The following PSMC2 variants were observed in gnomAD, a reference collection of about 807,000 sequenced individuals.
The protein encoded by PSMC2 is proteasome 26S subunit, ATPase 2.
A neutral mutation model predicts 53.3 loss-of-function variants in PSMC2; 7 were observed. That is an observed-to-expected ratio of 0.13 (90% CI 0.07 to 0.25). PSMC2 has a LOEUF of 0.25. Among genes scored for constraint, PSMC2 ranks in the 10% least tolerant of loss-of-function variants. PSMC2 has a pLI of 1.00. For synonymous variants in PSMC2, 169 were observed against 183.9 expected (o/e 0.92, Z 0.66); for missense variants, 241 against 544.0 (o/e 0.44, Z 5.54).
intron 4 of PSMC2, among the ~76,000 whole-genome samples, chr7:103,361,240 T>C (rs1820375894): frequency 6.6e-6 from 1 of 151,802 alleles, no homozygotes; most frequent in African/African-American, 2.4e-5. Context: ...TCCCAGCACT[T>C]TGGGAAGCTG....
chr7:103,350,604 T>C (rs1458886071), intron 1 of PSMC2, among the ~76,000 whole-genome samples: 3 of 152,092 alleles, frequency 2.0e-5, no homozygotes, highest in African/African-American at 7.2e-5. Context: ...TTCTCCTGCC[T>C]CAGCCTCCCT....
Position 103,360,358 on chromosome 7 carries a change from C to T in PSMC2, c.291-1599C>T, listed in dbSNP as rs533262751. On this transcript the variant is annotated intron_variant, in intron 4 of 11. Transcript: ENST00000292644. ...TTTTCCTTTCAGGTTTTTTGGTCAG[C>T]CTCTTTTTTTTTGGTAGAGAATGGG... Among the ~76,000 whole-genome samples the T allele has an allele frequency of 4.6e-5, 7 of 152,220 alleles. No homozygotes were observed. The East Asian group carries it at 1.3e-3, about 29-fold the overall frequency.
chr7:103,361,898 T>C (rs1820436055), intron 4 of PSMC2, 59 bp from the exon 5 acceptor site: 3 of 1,511,372 alleles, frequency 2.0e-6, no homozygotes, highest in Non-Finnish European at 2.7e-6. Context: ...ATCTAGTTAG[T>C]TGAATTCATT....
chr7:103,364,439 C>CAACA, intron 8 of PSMC2, 132 bp downstream of exon 8: 2 of 994,448 alleles, frequency 2.0e-6, no homozygotes, highest in Non-Finnish European at 2.9e-6. Context: ...GACAGAGTCT[C>CAACA]ATTGTGTTGC....
intron 1 of PSMC2, among the ~76,000 whole-genome samples, chr7:103,351,461 C>G (rs1038158663): frequency 1.3e-5 from 2 of 152,148 alleles, no homozygotes; most frequent in African/African-American, 2.4e-5. Flanking sequence ...AGATTTGGCA[C>G]CCAGGGTTTT....
At position 103,362,667 on chromosome 7, in the gene PSMC2, A is replaced by G. The variant is rs779630806; in HGVS notation, c.423-19A>G. 1 of 1,578,664 alleles carries G rather than the reference A, an allele frequency of 6.3e-7. No homozygotes were observed. Among genetic ancestry groups the G allele is most frequent in the South Asian group, 1.1e-5 (1 of 90,168 alleles). On this transcript the variant is annotated intron_variant, in intron 5 of 11. Transcript: ENST00000292644. ...AAGCTTAAAGAATGTATTAATGACT[A>G]TCTTTTTTACTTCCTTAGCGTGGAT...
rs750884968 is a variant in PSMC2 at position 103,366,177 on chromosome 7, G to A, written c.844+14G>A. 4.1e-5 allele frequency: 65 copies of A among 1,586,652 alleles called. No homozygotes were observed. Among genetic ancestry groups the A allele is most frequent in the South Asian group, 3.0e-4 (27 of 90,120 alleles). Reference sequence around the variant, plus strand: ...ATGCTATTGGAGGTGAGAATGATACGTTAGAGAACTGCTTTAGGATTCAGT... The same window carrying A: ...ATGCTATTGGAGGTGAGAATGATACATTAGAGAACTGCTTTAGGATTCAGT... On this transcript the variant is annotated intron_variant, in intron 9 of 11. Coordinates refer to ENST00000292644, the MANE Select transcript of PSMC2 (RefSeq NM_002803.4).
intron 1 of PSMC2, among the ~76,000 whole-genome samples, chr7:103,352,103 C>G (rs1053457936): frequency 1.3e-5 from 2 of 151,154 alleles, no homozygotes; most frequent in African/African-American, 4.9e-5. Context: ...AGCCCCAAAC[C>G]TCCATCTACT....
In PSMC2 at chr7:103,368,511, C is replaced by A. The variant is rs1424529957; in HGVS notation, c.*457C>A. ...GCTCCTATTATCCGCTTCTGTCCCGCAACAAAGTAGCTCACTTAGGCGTAT... is the reference window on the plus strand; with the variant it reads ...GCTCCTATTATCCGCTTCTGTCCCGAAACAAAGTAGCTCACTTAGGCGTAT... On this transcript the variant is annotated 3_prime_UTR_variant, in exon 12 of 12. Coordinates refer to ENST00000292644, the MANE Select transcript of PSMC2 (RefSeq NM_002803.4). 1 of 152,914 alleles carries A rather than the reference C, an allele frequency of 6.5e-6. No homozygotes were observed. Among genetic ancestry groups the A allele is most frequent in the Admixed American group, 6.5e-5 (1 of 15,320 alleles). The allele number at this position is 152,914 out of a possible 1,614,324, so 9.5% of individuals were successfully genotyped here.
At chr7:103,361,402 C>CACCTGTAATCCCAGCAACTT (rs1820395430) in intron 4 of PSMC2, among the ~76,000 whole-genome samples, 2 of 138,842 alleles carry the variant, frequency 1.4e-5, no homozygotes, top group African/African-American at 5.4e-5. Context: ...CCCAGCTACT[C>CACCTGTAATCCCAGCAACTT]GGGAGGCTGA....
At chr7:103,362,508 T>C in intron 5 of PSMC2, 178 bp from the exon 6 acceptor site, 1 of 1,415,920 alleles carries the variant, frequency 7.1e-7, no homozygotes. Flanking sequence ...GTTTGCGACA[T>C]TAGACATGTA....
intron 5 of PSMC2, chr7:103,362,413 C>A: frequency 1.5e-6 from 2 of 1,345,992 alleles, no homozygotes; most frequent in Non-Finnish European, 1.9e-6. Flanking sequence ...GTGTTAATGT[C>A]TATAGAATAC....
In PSMC2 at chr7:103,369,366, G is replaced by A. The variant is rs1437509001; in HGVS notation, c.*1312G>A. The stretch of plus-strand genomic sequence containing the variant: ...GAAGATGTATGTTTTTGAATGTTTT[G>A]ATTAAATAAATGTACACATTTAGAA... On this transcript the variant is annotated 3_prime_UTR_variant, in exon 12 of 12. Transcript: ENST00000292644. 6.6e-6 allele frequency: 1 copy of A among 152,120 alleles called. No homozygotes were observed. The highest frequency in any genetic ancestry group is 2.4e-5 in the African/African-American group (1 of 41,422). 9.4% of individuals were successfully genotyped at this position (152,120 alleles called of 1,614,324 possible).
chr7:103,364,334 T>C, intron 8 of PSMC2, 27 bp downstream of exon 8: 2 of 1,610,564 alleles, frequency 1.2e-6, no homozygotes, highest in Non-Finnish European at 1.7e-6. Flanking sequence ...AAAGAATATA[T>C]AGCCTTGTGA....
intron 4 of PSMC2, among the ~76,000 whole-genome samples, chr7:103,358,360 T>C (rs1429586069): frequency 1.3e-5 from 2 of 152,152 alleles, no homozygotes; most frequent in African/African-American, 4.8e-5. Flanking sequence ...CTCTTGTCCT[T>C]TAGTAAGGCA....
At chr7:103,363,258 T>G in intron 6 of PSMC2, 86 bp from the exon 7 acceptor site, 1 of 1,044,788 alleles carries the variant, frequency 9.6e-7, no homozygotes, top group Non-Finnish European at 1.4e-6. Flanking sequence ...AGTTTTTCTT[T>G]TAAGGTATTA....
chr7:103,363,841 T>TA lies in PSMC2; in HGVS notation c.592-299dup, dbSNP rs201829079. On this transcript the variant is annotated intron_variant, in intron 7 of 11. Coordinates refer to ENST00000292644, the MANE Select transcript of PSMC2 (RefSeq NM_002803.4). ...CTGAATACCAGATAATTTTGTTCCT[T>TA]AAACACCATAATTTTTTTTAAATTA... 3.8e-3 allele frequency among the ~76,000 whole-genome samples: 574 copies of TA among 152,344 alleles called. 4 individuals are homozygous for TA. Among genetic ancestry groups the TA allele is most frequent in the African/African-American group, 0.014 (565 of 41,582 alleles).
rs944786829 is a variant in PSMC2, at chr7:103,369,188, A to C, written c.*1134A>C. On this transcript the variant is annotated 3_prime_UTR_variant, in exon 12 of 12. Transcript: ENST00000292644. ...AAGTAAAGAAATTAAAGCCTTTTAT[A>C]AAATCCAACCAACATTCTTGATTTT... The C allele has an allele frequency of 1.3e-5, 2 of 152,244 alleles. No individual in the cohort carries two copies. Among genetic ancestry groups the C allele is most frequent in the African/African-American group, 4.8e-5 (2 of 41,452 alleles). The allele number at this position is 152,244 out of a possible 1,614,324, so 9.4% of individuals were successfully genotyped here. A position where few individuals can be genotyped will look rare whatever the true frequency, so the allele number is the denominator to read the frequency against.
chr7:103,354,273 A>G (rs530198780), intron 2 of PSMC2, among the ~76,000 whole-genome samples: 241 of 152,302 alleles, frequency 1.6e-3, no homozygotes, highest in Non-Finnish European at 2.5e-3. Flanking sequence ...TCATTTACAC[A>G]AGTTTACTAT....
Sources: allele counts gnomAD v4.1 joint callset (sites outside exome capture counted in the v4.1 genomes callset), GRCh38; gene constraint gnomAD v4.1.1; transcripts MANE v1.5; gene names NCBI Gene and HGNC (gene_info 2026-07-23, HGNC 2026-07-21).